PPP1R26: variants seen among roughly 807,000 people sequenced by gnomAD.
The protein encoded by PPP1R26 is 1A6/DRIM (down-regulated in metastasis) interacting protein.
PPP1R26 carries 22 observed loss-of-function variants against 67.6 expected under a neutral mutation model. The ratio of observed to expected loss-of-function variants is 0.33; its 90% confidence interval spans 0.23 to 0.46. The LOEUF (loss-of-function observed/expected upper bound fraction) is 0.46. Among genes scored for constraint, PPP1R26 ranks in the 20% least tolerant of loss-of-function variants. The probability of loss-of-function intolerance (pLI) is 1.00; values close to 1 mark genes in which losing one functional copy is unlikely to be tolerated. For synonymous variants in PPP1R26, 729 were observed against 717.2 expected (o/e 1.02, Z -0.26); for missense variants, 1,602 against 1,651.4 (o/e 0.97, Z 0.52).
rs749170470 is a variant in PPP1R26, at chr9:135,488,190, C to T, written c.*50C>T. ...CTGGGTTGCGTGCATTCGTGGAAAGCGGCGTAGCCGTGCGTGTGTGTGATG... is the reference window on the plus strand; with the variant it reads ...CTGGGTTGCGTGCATTCGTGGAAAGTGGCGTAGCCGTGCGTGTGTGTGATG... On this transcript the variant is annotated 3_prime_UTR_variant, in exon 4 of 4. Transcript: ENST00000356818. 38 of 1,477,062 alleles carry T rather than the reference C, an allele frequency of 2.6e-5. No individual in the cohort carries two copies. The highest frequency in any genetic ancestry group is 3.0e-5 in the Non-Finnish European group (34 of 1,116,082). 91.5% of individuals were successfully genotyped at this position (1,477,062 alleles called of 1,614,324 possible).
At position 135,487,213 on chromosome 9, in the gene PPP1R26, G is replaced by A. The variant is rs3748198; in HGVS notation, c.2703G>A (p.Leu901=). The A allele has an allele frequency of 2.5e-5, 40 of 1,594,756 alleles. No homozygotes were observed. Among genetic ancestry groups the A allele is most frequent in the Non-Finnish European group, 3.0e-5 (35 of 1,172,294 alleles). ...AGAGGGCCAGGGGGGTCCCACATCT[G>A]GCCGAAGGGCTTCGAGGCACAGAGA... The part of the protein sequence containing the change: ...RSQRARGVPH[L]AEGLRGTESA... The change falls in exon 4 of 4, where the codon CTG becomes CTA. Residue 901 remains leucine, a synonymous_variant. Coordinates refer to ENST00000356818, the MANE Select transcript of PPP1R26 (RefSeq NM_014811.5).
intron 3 of PPP1R26, 81 bp downstream of exon 3, chr9:135,484,163 G>A (rs1051230672): frequency 1.1e-5 from 5 of 446,686 alleles, no homozygotes; most frequent in Admixed American, 3.8e-5. Flanking sequence ...ATGACCGTGC[G>A]TGCCCCGGGC....
chr9:135,486,515 G>A lies in PPP1R26; in HGVS notation c.2005G>A (p.Asp669Asn). The A allele has an allele frequency of 6.2e-7, 1 of 1,612,770 alleles. No homozygotes were observed. The highest frequency in any genetic ancestry group is 8.5e-7 in the Non-Finnish European group (1 of 1,179,950). The change falls in exon 4 of 4, where the codon GAC (aspartate) becomes AAC (asparagine). Residue 669 changes from aspartate (D) to asparagine (N), a missense_variant. Physicochemically the swap from Asp to Asn is conservative, Grantham distance 23 (BLOSUM62 1). Coordinates refer to ENST00000356818, the MANE Select transcript of PPP1R26 (RefSeq NM_014811.5). This position sits in a 1 kb window ranked among gnomAD's most constrained non-coding sequence, Gnocchi z 6.2. ...TRMSQGQGKT[D>N]EARRLDEKES... Reference sequence around the variant, plus strand: ...CATGTCACAGGGCCAGGGTAAGACAGACGAGGCAAGGCGCCTAGACGAGAA... The same window carrying A: ...CATGTCACAGGGCCAGGGTAAGACAAACGAGGCAAGGCGCCTAGACGAGAA...
intron 2 of PPP1R26, 86 bp from the exon 3 acceptor site, chr9:135,483,862 CAT>C: frequency 2.5e-6 from 1 of 396,792 alleles, no homozygotes; most frequent in Non-Finnish European, 4.4e-6. Context: ...TGACATTTAA[CAT>C]AGAGAGGGTT....
chr9:135,484,355 A>C, intron 3 of PPP1R26, 94 bp from the exon 4 acceptor site: 1 of 718,444 alleles, frequency 1.4e-6, no homozygotes, highest in Non-Finnish European at 2.3e-6. Context: ...CCACTCTGTG[A>C]GCCCGACATG....
rs755736163 is a variant in PPP1R26, at chr9:135,484,676, C to T, written c.166C>T (p.Arg56Cys). 3.7e-6 allele frequency: 6 copies of T among 1,610,232 alleles called. No individual in the cohort carries two copies. Among genetic ancestry groups the T allele is most frequent in the Middle Eastern group, 1.7e-4 (1 of 5,970 alleles). The change falls in exon 4 of 4, where the codon CGC becomes TGC. Residue 56 changes from arginine (R) to cysteine (C), a missense_variant. Arg to Cys is a radical substitution (Grantham distance 180). Transcript: ENST00000356818. ...RVQMLISTLQ[R>C]DGAARGTSDE... ...GCAGATGCTTATCAGCACTCTGCAG[C>T]GCGACGGGGCTGCTCGGGGCACCAG...
chr9:135,483,692 C>T, intron 2 of PPP1R26: 1 of 284,998 alleles, frequency 3.5e-6, no homozygotes, highest in Non-Finnish European at 6.4e-6. Flanking sequence ...TCAAAGTGTC[C>T]CAAGCTCAGC....
In PPP1R26 at chr9:135,488,203, C is replaced by G. The variant is rs1158342628; in HGVS notation, c.*63C>G. 2 of 1,466,790 alleles carry G rather than the reference C, an allele frequency of 1.4e-6. No homozygotes were observed. Among genetic ancestry groups the G allele is most frequent in the Non-Finnish European group, 1.8e-6 (2 of 1,110,728 alleles). 90.9% of individuals were successfully genotyped at this position (1,466,790 alleles called of 1,614,324 possible). A position where few individuals can be genotyped will look rare whatever the true frequency, so the allele number is the denominator to read the frequency against. The stretch of plus-strand genomic sequence containing the variant: ...ATTCGTGGAAAGCGGCGTAGCCGTG[C>G]GTGTGTGTGATGGTTCCGTGGCTGC... On this transcript the variant is annotated 3_prime_UTR_variant, in exon 4 of 4. Transcript: ENST00000356818.
At chr9:135,480,076 G>A (rs1264536185) in intron 1 of PPP1R26, 54 bp downstream of exon 1, 2 of 147,338 alleles carry the variant, frequency 1.4e-5, no homozygotes, top group East Asian at 2.0e-4. Context: ...AAGCTGGGGG[G>A]TCGGGGACAG....
rs1830847358 is a variant in PPP1R26, at chr9:135,488,394, AG to A, written c.*257del. On this transcript the variant is annotated 3_prime_UTR_variant, in exon 4 of 4. Transcript: ENST00000356818. ...GGAAAATACTGTTGTTCAATTTTGT[AG>A]GGTGTTCCTAACTGCAGTTTTCTGT... 3.7e-6 allele frequency: 2 copies of A among 540,890 alleles called. No homozygotes were observed. Among genetic ancestry groups the A allele is most frequent in the East Asian group, 4.7e-5 (1 of 21,212 alleles). The allele number at this position is 540,890 out of a possible 1,614,324, so 33.5% of individuals were successfully genotyped here.
At chr9:135,481,351 G>C (rs578209891) in intron 1 of PPP1R26, among the ~76,000 whole-genome samples, 6 of 147,766 alleles carry the variant, frequency 4.1e-5, no homozygotes, top group Non-Finnish European at 8.9e-5. Flanking sequence ...AGCGATTCTC[G>C]TGCCTCAGCC....
chr9:135,485,346 G>A lies in PPP1R26; in HGVS notation c.836G>A (p.Gly279Asp), dbSNP rs1366384071. The A allele has an allele frequency of 1.3e-5, 21 of 1,612,796 alleles. No homozygotes were observed. The highest frequency in any genetic ancestry group is 1.7e-5 in the Admixed American group (1 of 60,002). Residue 279 changes from glycine to aspartate, a missense_variant, in exon 4 of 4, where the codon GGC becomes GAC. Coordinates refer to ENST00000356818, the MANE Select transcript of PPP1R26 (RefSeq NM_014811.5). The surrounding 1 kb of genome is among the most constrained non-coding windows in gnomAD (Gnocchi z 7.2). ...EPPTKVVHRQ[G>D]LLGVQKEFAF... ...CCTACAAAGGTGGTGCATCGGCAGGGCCTGCTGGGCGTCCAGAAGGAGTTT... is the reference window on the plus strand; with the variant it reads ...CCTACAAAGGTGGTGCATCGGCAGGACCTGCTGGGCGTCCAGAAGGAGTTT...
Position 135,487,113 on chromosome 9 carries a change from C to A in PPP1R26, c.2603C>A (p.Thr868Lys). 1 of 1,611,594 alleles carries A rather than the reference C, an allele frequency of 6.2e-7. No individual in the cohort carries two copies. Among genetic ancestry groups the A allele is most frequent in the Non-Finnish European group, 8.5e-7 (1 of 1,179,986 alleles). ...VQAEGPTALG[T>K]GGPARPEVLC... ...GCAGAGGGCCCCACCGCTCTTGGGA[C>A]AGGGGGCCCAGCCAGGCCAGAGGTG... is the stretch of plus-strand genomic sequence containing the variant. Residue 868 changes from threonine (T) to lysine (K), a missense_variant, in exon 4 of 4, where the codon ACA becomes AAA. Transcript: ENST00000356818.
In PPP1R26 at chr9:135,486,390, G is replaced by A. The variant is rs770776338; in HGVS notation, c.1880G>A (p.Arg627Lys). Reference protein sequence around the residue: ...GSQDADHSQGRAEPGHERRDL... With the variant: ...GSQDADHSQGKAEPGHERRDL... ...CAGGATGCCGACCACAGCCAGGGGA[G>A]AGCTGAGCCCGGCCATGAGAGGCGA... is the stretch of plus-strand genomic sequence containing the variant. The change falls in exon 4 of 4, where the codon AGA becomes AAA. Residue 627 changes from arginine (R) to lysine (K), a missense_variant. This residue lies in a region of PPP1R26 where 680 missense variants were observed against 726.1 expected (regional missense o/e 0.94). Coordinates refer to ENST00000356818, the MANE Select transcript of PPP1R26 (RefSeq NM_014811.5). This position sits in a 1 kb window ranked among gnomAD's most constrained non-coding sequence, Gnocchi z 6.2. 2.5e-6 allele frequency: 4 copies of A among 1,613,224 alleles called. No homozygotes were observed. Among genetic ancestry groups the A allele is most frequent in the Non-Finnish European group, 3.4e-6 (4 of 1,179,942 alleles).
rs202060370 is a variant in PPP1R26 at position 135,487,794 on chromosome 9, G to T, written c.3284G>T (p.Trp1095Leu). Residue 1095 changes from tryptophan (W) to leucine (L), a missense_variant, in exon 4 of 4, where the codon TGG (tryptophan) becomes TTG (leucine). Physicochemically the swap from Trp to Leu is moderately conservative, Grantham distance 61. Coordinates refer to ENST00000356818, the MANE Select transcript of PPP1R26 (RefSeq NM_014811.5). ...QLFHFGKGVS[W>L]GGRQAGLFSP... is the part of the protein sequence containing the mutation. ...TTCCACTTTGGAAAGGGTGTCTCCT[G>T]GGGGGGCAGGCAGGCTGGCCTCTTC... 3.9e-5 allele frequency: 61 copies of T among 1,569,454 alleles called. No individual in the cohort carries two copies. In the East Asian group the frequency reaches 5.4e-4, roughly 14 times the overall value.
Position 135,487,563 on chromosome 9 carries a change from G to A in PPP1R26, c.3053G>A (p.Gly1018Glu). 6.4e-7 allele frequency: 1 copy of A among 1,555,454 alleles called. No individual in the cohort carries two copies. Among genetic ancestry groups the A allele is most frequent in the Non-Finnish European group, 8.7e-7 (1 of 1,152,384 alleles). ...TPSPGAERDA[G>E]AQADRTPPWS... Reference sequence around the variant, plus strand: ...AGCCCGGGAGCGGAGAGGGACGCTGGAGCCCAGGCCGACCGCACACCGCCC... The same window carrying A: ...AGCCCGGGAGCGGAGAGGGACGCTGAAGCCCAGGCCGACCGCACACCGCCC... The change falls in exon 4 of 4, where the codon GGA becomes GAA. Residue 1018 changes from glycine (G) to glutamate (E), a missense_variant. By Grantham distance (98) the Gly-to-Glu change is moderately conservative. Transcript: ENST00000356818.
chr9:135,487,836 T>A lies in PPP1R26; in HGVS notation c.3326T>A (p.Leu1109Gln). Residue 1109 changes from leucine (L) to glutamine (Q), a missense_variant, in exon 4 of 4, where the codon CTG (leucine) becomes CAG (glutamine). Around this residue, in one of 5 missense-constraint regions of PPP1R26, gnomAD observed 740 missense variants for 696.3 expected, o/e 1.06. Transcript: ENST00000356818. The stretch of plus-strand genomic sequence containing the variant: ...GGCCTCTTCAGCCCCCACCTGGGGC[T>A]GCCTCTGCAGGGCCCCTCCTTCTCG... Reference protein sequence around the residue: ...QAGLFSPHLGLPLQGPSFSAF... With the variant: ...QAGLFSPHLGQPLQGPSFSAF... 1 of 1,594,266 alleles carries A rather than the reference T, an allele frequency of 6.3e-7. No individual in the cohort carries two copies. The highest frequency in any genetic ancestry group is 2.2e-5 in the East Asian group (1 of 44,666).
chr9:135,484,026 G>C lies in PPP1R26; in HGVS notation c.-119G>C, dbSNP rs2254812. 0.29 allele frequency: 114,510 copies of C among 401,738 alleles called. 20,016 individuals carry two copies. Among genetic ancestry groups the C allele is most frequent in the East Asian group, 0.68 (19,069 of 28,062 alleles). 24.9% of individuals were successfully genotyped at this position (401,738 alleles called of 1,614,324 possible). On this transcript the variant is annotated 5_prime_UTR_variant, in exon 3 of 4. Transcript: ENST00000356818. Reference sequence around the variant, plus strand: ...CTGGGTTTCTAGTCATCCTTTTTAAGCTGCAAAGAAGCATTTGCAGACGTT... The same window carrying C: ...CTGGGTTTCTAGTCATCCTTTTTAACCTGCAAAGAAGCATTTGCAGACGTT...
chr9:135,480,308 GC>G (rs1830467384), intron 1 of PPP1R26: 1 of 152,102 alleles, frequency 6.6e-6, no homozygotes, highest in Non-Finnish European at 1.5e-5. Context: ...CTTTGGCCCG[GC>G]CCGGGGCGGC....
Sources: gnomAD v4.1 joint callset for allele counts (sites outside exome capture counted in the v4.1 genomes callset) on GRCh38, gnomAD v4.1.1 for gene constraint, gnomAD v4.1.1 regional missense constraint, Gnocchi (gnomAD v3.1) non-coding constraint, MANE v1.5 for transcripts, NCBI Gene and HGNC (gene_info 2026-07-23, HGNC 2026-07-21) for gene names.